Variants in ADAMTS6 observed in about 807,000 individuals in gnomAD.
ADAMTS6 encodes the protein ADAM metallopeptidase with thrombospondin type 1 motif 6.
Under a neutral mutation model 144.3 loss-of-function variants are expected in ADAMTS6, and 23 were observed. The observed-to-expected ratio is 0.16, with a 90% CI of 0.11 to 0.23. The LOEUF (loss-of-function observed/expected upper bound fraction) is 0.23, where lower values mean the gene tolerates loss of function less well. ADAMTS6 is among the 10% of genes least tolerant of loss of function. The pLI, the probability that ADAMTS6 is intolerant of heterozygous loss-of-function variation, is 1.00. For missense variants in ADAMTS6, 999 were observed against 1,379.6 expected (o/e 0.72, Z 4.37); for synonymous variants, 444 against 457.5 (o/e 0.97, Z 0.38).
chr5:65,331,832 A>G (rs915712442), intron 8 of ADAMTS6, among the ~76,000 whole-genome samples: 37 of 152,030 alleles, frequency 2.4e-4, no homozygotes, highest in African/African-American at 8.9e-4. Context: ...AGATGAAGTT[A>G]AAACGTGTGT....
intron 5 of ADAMTS6, among the ~76,000 whole-genome samples, chr5:65,452,495 A>G (rs1454940610): frequency 5.3e-5 from 8 of 151,228 alleles, no homozygotes; most frequent in South Asian, 2.1e-4. Flanking sequence ...ACAAGATTTA[A>G]CAATCCACTA....
intron 7 of ADAMTS6, among the ~76,000 whole-genome samples, chr5:65,400,184 T>C (rs543558699): frequency 4.1e-4 from 62 of 152,146 alleles, no homozygotes; most frequent in Non-Finnish European, 7.5e-4. Context: ...GAATTTTTTC[T>C]TCTTTTTAAT....
chr5:65,180,704 T>TAA lies in ADAMTS6; in HGVS notation c.2910+7310_2910+7311dup, dbSNP rs11444095. ...AATCCAATTATACTGCATTTTGATT[T>TAA]AAAAAAAAAATCCCTTAATGGCTTA... On this transcript the variant is annotated intron_variant, in intron 22 of 24. Transcript: ENST00000381055. 8.2e-4 allele frequency among the ~76,000 whole-genome samples: 124 copies of TAA among 150,662 alleles called. 2 individuals carry two copies. The highest frequency in any genetic ancestry group is 2.7e-3 in the African/African-American group (110 of 41,174).
chr5:65,460,577 G>A lies in ADAMTS6; in HGVS notation c.463-239C>T, dbSNP rs111548798. 1.7e-3 allele frequency among the ~76,000 whole-genome samples: 254 copies of A among 152,250 alleles called. 1 individual carries two copies. Among genetic ancestry groups the A allele is most frequent in the African/African-American group, 4.5e-3 (187 of 41,574 alleles). On this transcript the variant is annotated intron_variant, in intron 3 of 24. Transcript: ENST00000381055. ...GCACTGTACTAAGCATGTCACATAC[G>A]TGATTTCCTCCAATCTCACAACGAC...
intron 11 of ADAMTS6, among the ~76,000 whole-genome samples, chr5:65,281,096 A>G (rs1762956024): frequency 1.3e-5 from 2 of 152,158 alleles, no homozygotes; most frequent in Admixed American, 6.5e-5. Context: ...TCATATTTGT[A>G]TCTCATTTAT....
chr5:65,385,500 T>C (rs1752407271), intron 7 of ADAMTS6, among the ~76,000 whole-genome samples: 1 of 152,190 alleles, frequency 6.6e-6, no homozygotes, highest in Admixed American at 6.5e-5. Flanking sequence ...TGAGATTATA[T>C]TAGTATGAAA....
At chr5:65,327,661 A>T (rs1746299630) in intron 9 of ADAMTS6, among the ~76,000 whole-genome samples, 2 of 152,164 alleles carry the variant, frequency 1.3e-5, no homozygotes, top group Admixed American at 1.3e-4. Flanking sequence ...AATTGAAAGG[A>T]TTTACCTATA....
intron 7 of ADAMTS6, among the ~76,000 whole-genome samples, chr5:65,373,690 C>A (rs553909495): frequency 9.7e-4 from 148 of 152,296 alleles, no homozygotes; most frequent in African/African-American, 3.4e-3. Context: ...CAAGGAGAAA[C>A]TGGTACCATT....
intron 4 of ADAMTS6, among the ~76,000 whole-genome samples, chr5:65,458,689 C>G (rs1454867001): frequency 6.6e-6 from 1 of 152,166 alleles, no homozygotes; most frequent in Admixed American, 6.5e-5. Context: ...GGATTACAGG[C>G]GTGAGCCACT....
rs537141368 is a variant in ADAMTS6 at position 65,420,477 on chromosome 5, G to A, written c.1073+30998C>T. Reference sequence around the variant, plus strand: ...GCTCACCGCAACCTCCGCCCCCTGGGTTCAAGTGATTCTCCTGCCTCAGCC... The same window carrying A: ...GCTCACCGCAACCTCCGCCCCCTGGATTCAAGTGATTCTCCTGCCTCAGCC... On this transcript the variant is annotated intron_variant, in intron 7 of 24. Coordinates refer to ENST00000381055, the MANE Select transcript of ADAMTS6 (RefSeq NM_197941.4). Among the ~76,000 whole-genome samples, 9 of 152,206 alleles carry A rather than the reference G, an allele frequency of 5.9e-5. No individual in the cohort carries two copies. In the South Asian group the frequency reaches 1.9e-3, roughly 32 times the overall value.
chr5:65,269,659 C>G (rs1761904572), intron 12 of ADAMTS6, among the ~76,000 whole-genome samples: 1 of 152,058 alleles, frequency 6.6e-6, no homozygotes, highest in Non-Finnish European at 1.5e-5. Flanking sequence ...CAATTTAGGG[C>G]TAGTAAGTCT....
intron 7 of ADAMTS6, among the ~76,000 whole-genome samples, chr5:65,388,236 A>T (rs1343321662): frequency 6.6e-6 from 1 of 152,116 alleles, no homozygotes; most frequent in Non-Finnish European, 1.5e-5. Context: ...TTGTACAATA[A>T]ATGTTTTCAG....
intron 7 of ADAMTS6, among the ~76,000 whole-genome samples, chr5:65,434,237 T>C (rs1283840667): frequency 6.6e-6 from 1 of 152,204 alleles, no homozygotes; most frequent in East Asian, 1.9e-4. Flanking sequence ...TGTGGTTTCC[T>C]AGAACTGGGG....
chr5:65,227,213 G>C (rs918749239), intron 15 of ADAMTS6, among the ~76,000 whole-genome samples: 1 of 152,028 alleles, frequency 6.6e-6, no homozygotes, highest in African/African-American at 2.4e-5. Flanking sequence ...CACTAATTTT[G>C]TTTGTGAATA....
chr5:65,392,126 G>A (rs1272548831), intron 7 of ADAMTS6, among the ~76,000 whole-genome samples: 2 of 152,048 alleles, frequency 1.3e-5, no homozygotes, highest in Non-Finnish European at 2.9e-5. Flanking sequence ...TTAGTTTGAG[G>A]TTATACATTC....
At chr5:65,330,417 G>A (rs564238473) in intron 8 of ADAMTS6, among the ~76,000 whole-genome samples, 5 of 152,208 alleles carry the variant, frequency 3.3e-5, no homozygotes, top group Admixed American at 1.3e-4. Flanking sequence ...AAGTTATTTA[G>A]AAGTTGAAGG....
At chr5:65,253,914 G>A (rs966031677) in intron 14 of ADAMTS6, among the ~76,000 whole-genome samples, 3 of 132,852 alleles carry the variant, frequency 2.3e-5, no homozygotes, top group Non-Finnish European at 3.1e-5. Flanking sequence ...TGCAACCTCC[G>A]CTTCCTGGGC....
chr5:65,403,461 T>G (rs1431139532), intron 7 of ADAMTS6, among the ~76,000 whole-genome samples: 13 of 152,138 alleles, frequency 8.5e-5, no homozygotes, highest in African/African-American at 3.1e-4. Flanking sequence ...TGATCAAGAA[T>G]TCTCGATCTT....
intron 20 of ADAMTS6, among the ~76,000 whole-genome samples, chr5:65,198,362 TA>T (rs1294872581): frequency 9.9e-5 from 15 of 151,654 alleles, no homozygotes; most frequent in Admixed American, 8.6e-4. Context: ...AATAATGCCC[TA>T]AAAAAACAGT....
Sources: allele counts gnomAD v4.1 joint callset (sites outside exome capture counted in the v4.1 genomes callset), GRCh38; gene constraint gnomAD v4.1.1; transcripts MANE v1.5; gene names NCBI Gene and HGNC (gene_info 2026-07-23, HGNC 2026-07-21).